Variants in BAHD1 observed in about 807,000 individuals in gnomAD.
The protein encoded by BAHD1 is bromo adjacent homology domain-containing 1 protein.
In BAHD1, 20 loss-of-function variants were observed where a neutral mutation model predicts 63.1. The observed-to-expected ratio is 0.32, with a 90% CI of 0.22 to 0.46. The LOEUF is 0.46. Ranked by LOEUF, BAHD1 falls within the 20% of genes least tolerant of loss-of-function variation. The pLI is 1.00. For missense variants in BAHD1, 939 were observed against 1,071.8 expected, an observed-to-expected ratio of 0.88 and a Z score of 1.73; for synonymous variants, 408 against 426.8, an observed-to-expected ratio of 0.96 and a Z score of 0.54.
upstream of BAHD1, among the ~76,000 whole-genome samples, chr15:40,440,710 C>A (rs1893372240): frequency 2.6e-5 from 4 of 152,150 alleles, no homozygotes; most frequent in Admixed American, 2.6e-4. Flanking sequence ...GGCACCCCTC[C>A]CCCAAGGCCC....
intron 1 of BAHD1, among the ~76,000 whole-genome samples, chr15:40,451,024 G>C (rs1893683869): frequency 6.6e-6 from 1 of 151,628 alleles, no homozygotes; most frequent in African/African-American, 2.4e-5. Context: ...TGTAATCCCA[G>C]CTACTCGGGA....
chr15:40,439,276 C>T (rs1211415815), upstream of BAHD1, among the ~76,000 whole-genome samples: 1 of 152,206 alleles, frequency 6.6e-6, no homozygotes, highest in Non-Finnish European at 1.5e-5. Flanking sequence ...TGAGGGGGCC[C>T]CTCCTTTAAG....
chr15:40,443,675 C>T (rs934642556), intron 1 of BAHD1, among the ~76,000 whole-genome samples: 10 of 152,110 alleles, frequency 6.6e-5, no homozygotes, highest in Admixed American at 6.5e-5. Flanking sequence ...TCCTGCTGTC[C>T]CCGTGTCAGG....
At chr15:40,439,264 G>A (rs1893338890), upstream of BAHD1, among the ~76,000 whole-genome samples, 1 of 152,184 alleles carries the variant, frequency 6.6e-6, no homozygotes, top group Admixed American at 6.5e-5. Flanking sequence ...CACTTTCCCT[G>A]CTGAGGGGGC....
upstream of BAHD1, among the ~76,000 whole-genome samples, chr15:40,440,663 G>A (rs1468469149): frequency 6.6e-6 from 1 of 152,034 alleles, no homozygotes; most frequent in African/African-American, 2.4e-5. Flanking sequence ...CCAAGAAGCC[G>A]GCAAAGAAAA....
At chr15:40,464,137 CAG>C (rs1366843290) in intron 4 of BAHD1, 117 bp downstream of exon 4, 6 of 1,228,192 alleles carry the variant, frequency 4.9e-6, no homozygotes, top group Non-Finnish European at 6.8e-6. Context: ...GTTCCTGGCA[CAG>C]AGTCTGCCTT....
At chr15:40,442,462 G>C (rs1482345619) in intron 1 of BAHD1, among the ~76,000 whole-genome samples, 1 of 152,176 alleles carries the variant, frequency 6.6e-6, no homozygotes, top group East Asian at 1.9e-4. Flanking sequence ...GTGGCGACGG[G>C]GTTGCTACTC....
In BAHD1 at chr15:40,466,787, TGTG is replaced by T. The variant is rs1356255978; in HGVS notation, c.*659_*661del. 6.6e-6 allele frequency: 1 copy of T among 152,358 alleles called. No individual in the cohort carries two copies. The highest frequency in any genetic ancestry group is 1.5e-5 in the Non-Finnish European group (1 of 68,058). The allele number at this position is 152,358 out of a possible 1,614,324, so 9.4% of individuals were successfully genotyped here. ...CTCACAGTCATGGGTGTGGCCCACT[TGTG>T]GGAGTCTCCTGTCCACCTCCCAGAG... On this transcript the variant is annotated 3_prime_UTR_variant, in exon 7 of 7. Coordinates refer to ENST00000416165, the MANE Select transcript of BAHD1 (RefSeq NM_014952.5).
intron 1 of BAHD1, among the ~76,000 whole-genome samples, chr15:40,457,622 C>A (rs1016503736): frequency 1.3e-5 from 2 of 152,254 alleles, no homozygotes; most frequent in Non-Finnish European, 2.9e-5. Context: ...CTCAGCTCTT[C>A]ACTGTCTGTC....
intron 5 of BAHD1, 194 bp from the exon 6 acceptor site, chr15:40,465,141 A>G (rs1894164346): frequency 3.4e-6 from 2 of 590,978 alleles, no homozygotes; most frequent in Admixed American, 5.9e-5. Flanking sequence ...ATTCTGGAGA[A>G]GGGGGGGACC....
At chr15:40,452,276 G>GCTCT (rs35416242) in intron 1 of BAHD1, among the ~76,000 whole-genome samples, 44 of 151,882 alleles carry the variant, frequency 2.9e-4, no homozygotes, top group Middle Eastern at 3.4e-3. Context: ...TGAGGCCCCT[G>GCTCT]CTCTCTCTCT....
upstream of BAHD1, among the ~76,000 whole-genome samples, chr15:40,438,900 T>C (rs1001255145): frequency 5.9e-5 from 9 of 152,356 alleles, no homozygotes; most frequent in Non-Finnish European, 1.0e-4. Context: ...GCCTCTCTTC[T>C]GTCTTGGCCT....
intron 1 of BAHD1, among the ~76,000 whole-genome samples, chr15:40,451,883 T>C (rs1400777724): frequency 6.6e-6 from 1 of 152,176 alleles, no homozygotes; most frequent in Non-Finnish European, 1.5e-5. Flanking sequence ...GACATGTGCC[T>C]TTTAAGAAAG....
chr15:40,446,393 G>A (rs953006965), intron 1 of BAHD1, among the ~76,000 whole-genome samples: 2 of 152,210 alleles, frequency 1.3e-5, no homozygotes, highest in Admixed American at 6.5e-5. Context: ...TGGTAAGCAG[G>A]CCCTGGAGTA....
chr15:40,462,559 C>T (rs1214959507), intron 3 of BAHD1, among the ~76,000 whole-genome samples: 1 of 151,942 alleles, frequency 6.6e-6, no homozygotes, highest in East Asian at 1.9e-4. Flanking sequence ...GAGTGTCTTC[C>T]CCTCCCCTCC....
intron 1 of BAHD1, among the ~76,000 whole-genome samples, chr15:40,441,498 C>T (rs1423301090): frequency 6.6e-6 from 1 of 150,968 alleles, no homozygotes; most frequent in African/African-American, 2.4e-5. Flanking sequence ...GGGTCCGGCA[C>T]CACGGTCCCG....
chr15:40,463,199 A>G (rs1894103314), intron 3 of BAHD1, among the ~76,000 whole-genome samples: 1 of 151,968 alleles, frequency 6.6e-6, no homozygotes, highest in Non-Finnish European at 1.5e-5. Context: ...CAGCTACTTG[A>G]GAGTCTGAGG....
intron 1 of BAHD1, among the ~76,000 whole-genome samples, chr15:40,452,002 C>A (rs549498119): frequency 1.3e-5 from 2 of 152,390 alleles, no homozygotes; most frequent in East Asian, 3.9e-4. Flanking sequence ...TCTGCCCACT[C>A]TCCTCACTCA....
chr15:40,447,202 G>T (rs1893563468), intron 1 of BAHD1, among the ~76,000 whole-genome samples: 3 of 152,222 alleles, frequency 2.0e-5, no homozygotes, highest in Admixed American at 1.3e-4. Context: ...GCCTTCCTCA[G>T]TAGTGAGGGG....
Sources: allele counts gnomAD v4.1 joint callset (sites outside exome capture counted in the v4.1 genomes callset), GRCh38; gene constraint gnomAD v4.1.1; transcripts MANE v1.5; gene names NCBI Gene and HGNC (gene_info 2026-07-23, HGNC 2026-07-21).